Variants in OTUD7B observed in about 807,000 individuals in gnomAD.
The protein encoded by OTUD7B is OTU deubiquitinase 7B, also known as OTU domain-containing protein 7B.
In OTUD7B, 34 loss-of-function variants were observed where a neutral mutation model predicts 82.2. The observed-to-expected ratio is 0.41, with a 90% CI of 0.31 to 0.55. The LOEUF is 0.55. OTUD7B is among the 20% of genes least tolerant of loss of function. The pLI is 0.20. For missense variants in OTUD7B, 944 were observed against 1,062.1 expected (o/e 0.89, Z 1.55); for synonymous variants, 398 against 402.7 (o/e 0.99, Z 0.14).
chr1:149,968,021 T>C (rs1227749697), intron 3 of OTUD7B, among the ~76,000 whole-genome samples: 1 of 152,108 alleles, frequency 6.6e-6, no homozygotes, highest in Non-Finnish European at 1.5e-5. Context: ...GAAAATCCTT[T>C]GGGAGGCCAA....
At chr1:149,970,988 T>C (rs1553777478) in intron 3 of OTUD7B, 75 bp downstream of exon 3, 2 of 1,325,336 alleles carry the variant, frequency 1.5e-6, no homozygotes. Flanking sequence ...AATGGATCAC[T>C]AGACTTTATG....
Position 149,963,559 on chromosome 1 carries a change from GTTTTTTTTT to G in OTUD7B, c.732+654_732+662del, listed in dbSNP as rs587685726. ...GGTTTTTTTGTTTTTGTTTTTTTTT[GTTTTTTTTT>G]TTCTTACAAAATAGCCATAGTTTGC... On this transcript the variant is annotated intron_variant, in intron 6 of 11. Transcript: ENST00000581312. 4.8e-5 allele frequency: 7 copies of G among 146,402 alleles called. No individual in the cohort carries two copies. In the East Asian group the frequency reaches 1.4e-3, roughly 29 times the overall value. The allele number at this position is 146,402 out of a possible 1,614,324, so 9.1% of individuals were successfully genotyped here. A position where few individuals can be genotyped will look rare whatever the true frequency, so the allele number is the denominator to read the frequency against.
Position 149,943,930 on chromosome 1 carries a change from G to C in OTUD7B, c.2459C>G (p.Ser820Cys). The change falls in exon 12 of 12, where the codon TCC becomes TGC. Residue 820 changes from serine (S) to cysteine (C), a missense_variant. Ser to Cys is a moderately radical substitution (Grantham distance 112). This residue lies in a region of OTUD7B where 412 missense variants were observed against 418.7 expected (regional missense o/e 0.98). Coordinates refer to ENST00000581312, the MANE Select transcript of OTUD7B (RefSeq NM_020205.4). ...YGHPETNNFCSCCYREELRRR... is the reference protein window; with the variant it reads ...YGHPETNNFCCCCYREELRRR... ...CCTCAGTTCTTCCCTGTAACAACAGGAACAGAAGTTGTTTGTCTCAGGGTG... is the reference window on the plus strand; with the variant it reads ...CCTCAGTTCTTCCCTGTAACAACAGCAACAGAAGTTGTTTGTCTCAGGGTG... The C allele has an allele frequency of 1.2e-6, 2 of 1,614,212 alleles. No individual in the cohort carries two copies. The highest frequency in any genetic ancestry group is 1.7e-6 in the Non-Finnish European group (2 of 1,180,024).
rs374910922 is a variant in OTUD7B at position 149,949,975 on chromosome 1, A to G, written c.973+119T>C. The G allele has an allele frequency of 2.7e-5, 39 of 1,422,516 alleles. No individual in the cohort carries two copies. The Middle Eastern group carries it at 9.9e-4, about 36-fold the overall frequency. 88.1% of individuals were successfully genotyped at this position (1,422,516 alleles called of 1,614,324 possible). A position where few individuals can be genotyped will look rare whatever the true frequency, so the allele number is the denominator to read the frequency against. On this transcript the variant is annotated intron_variant, in intron 8 of 11. Transcript: ENST00000581312. ...AGAATTTTGCACTATTCTAATTGAT[A>G]ACTTGCTTTTTCCCCAAGGGTCTAT...
rs1372866874 is a variant in OTUD7B, at chr1:149,967,381, C to G, written c.415G>C (p.Asp139His). Residue 139 changes from aspartate (D) to histidine (H), a missense_variant, in exon 4 of 12, where the codon GAT (aspartate) becomes CAT (histidine). This residue lies in a region of OTUD7B where 530 missense variants were observed against 625.6 expected (regional missense o/e 0.85). Transcript: ENST00000581312. ...EMPICAFQLP[D>H]LTVYNEDFRS... ...AAGTCTTCATTGTATACAGTGAGATCTGGAAGCTGGAAGGCACAGATGGGC... is the reference window on the plus strand; with the variant it reads ...AAGTCTTCATTGTATACAGTGAGATGTGGAAGCTGGAAGGCACAGATGGGC... 1.2e-6 allele frequency: 2 copies of G among 1,614,176 alleles called. No individual in the cohort carries two copies. The highest frequency in any genetic ancestry group is 4.5e-5 in the East Asian group (2 of 44,888).
intron 1 of OTUD7B, among the ~76,000 whole-genome samples, chr1:149,993,695 C>T (rs1180616425): frequency 6.6e-6 from 1 of 152,176 alleles, no homozygotes; most frequent in Non-Finnish European, 1.5e-5. Context: ...GTCAAAGGCA[C>T]TGTTTCCTTA....
At chr1:149,993,586 C>A (rs1651741212) in intron 1 of OTUD7B, among the ~76,000 whole-genome samples, 2 of 152,128 alleles carry the variant, frequency 1.3e-5, no homozygotes, top group South Asian at 4.1e-4. Flanking sequence ...CAATTTACTC[C>A]TTTGGATTAT....
At chr1:150,004,506 G>A (rs1652526017) in intron 1 of OTUD7B, among the ~76,000 whole-genome samples, 1 of 151,926 alleles carries the variant, frequency 6.6e-6, no homozygotes, top group Non-Finnish European at 1.5e-5. Context: ...GTTGCAGTCA[G>A]CCAAGATTGT....
At chr1:149,949,819 T>C in intron 8 of OTUD7B, 41 bp from the exon 9 acceptor site, 1 of 1,589,328 alleles carries the variant, frequency 6.3e-7, no homozygotes, top group Non-Finnish European at 8.6e-7. Flanking sequence ...GCTGTGTTTC[T>C]GCCTAGTGGA....
chr1:150,028,160 T>C, the OTUD7B span, among the ~76,000 whole-genome samples: 1 of 152,248 alleles, frequency 6.6e-6, no homozygotes, highest in Non-Finnish European at 1.5e-5. Flanking sequence ...GACAAGGCTC[T>C]AGGATGCAGT....
At chr1:149,960,550 A>C (rs1302149600) in intron 6 of OTUD7B, among the ~76,000 whole-genome samples, 1 of 151,018 alleles carries the variant, frequency 6.6e-6, no homozygotes, top group Non-Finnish European at 1.5e-5. Flanking sequence ...GGCCCAGCTA[A>C]TTTTTGTATT....
the OTUD7B span, among the ~76,000 whole-genome samples, chr1:150,030,048 C>T: frequency 4.6e-5 from 7 of 152,208 alleles, no homozygotes. Flanking sequence ...GATTTCTCTG[C>T]TACTGCATTC....
chr1:150,024,148 A>G, the OTUD7B span, among the ~76,000 whole-genome samples: 1 of 152,220 alleles, frequency 6.6e-6, no homozygotes, highest in African/African-American at 2.4e-5. Context: ...GGTGGAATAA[A>G]TATTCCATTC....
the OTUD7B span, among the ~76,000 whole-genome samples, chr1:150,039,104 T>C: frequency 6.6e-6 from 1 of 152,236 alleles, no homozygotes; most frequent in South Asian, 2.1e-4. Context: ...TCTTAATTAC[T>C]CTTGTCTTTC....
rs150585398 is a variant in OTUD7B at position 149,958,367 on chromosome 1, G to A, written c.845+1317C>T. On this transcript the variant is annotated intron_variant, in intron 7 of 11. Coordinates refer to ENST00000581312, the MANE Select transcript of OTUD7B (RefSeq NM_020205.4). ...TTTTGAAATGGAGTCTCACTCTGTC[G>A]CCAGGGCTGGAGTGCAGTGGCACGA... Among the ~76,000 whole-genome samples, 731 of 112,050 alleles carry A rather than the reference G, an allele frequency of 6.5e-3. 5 individuals are homozygous for A. Among genetic ancestry groups the A allele is most frequent in the African/African-American group, 0.024 (681 of 28,488 alleles). The allele number at this position is 112,050 out of a possible 152,430, so 73.5% of individuals were successfully genotyped here.
At chr1:149,962,308 A>C (rs1649212886) in intron 6 of OTUD7B, 1 of 152,236 alleles carries the variant, frequency 6.6e-6, no homozygotes, top group East Asian at 1.9e-4. Flanking sequence ...AAGGAAGCCC[A>C]GGAAATCAAA....
Position 149,949,632 on chromosome 1 carries a change from G to C in OTUD7B, c.1120C>G (p.Gln374Glu). 6.2e-7 allele frequency: 1 copy of C among 1,613,578 alleles called. No individual in the cohort carries two copies. The highest frequency in any genetic ancestry group is 1.1e-5 in the South Asian group (1 of 91,042). The change falls in exon 9 of 12, where the codon CAA becomes GAA. Residue 374 changes from glutamine (Q) to glutamate (E), a missense_variant. Coordinates refer to ENST00000581312, the MANE Select transcript of OTUD7B (RefSeq NM_020205.4). ...SMEQKENTKE[Q>E]AVIPLTDSEY... ...CAAAAGACATGTCATTCAGCACCTT[G>C]TTCCTTGGTATTCTCCTTCTGCTCC...
At chr1:150,045,094 A>AATTT in the OTUD7B span, among the ~76,000 whole-genome samples, 20 of 146,532 alleles carry the variant, frequency 1.4e-4, 1 homozygote, top group Non-Finnish European at 1.8e-4. Context: ...CTTAAACTAA[A>AATTT]TTTTTTTTTT....
the OTUD7B span, among the ~76,000 whole-genome samples, chr1:150,043,942 G>A: frequency 3.9e-5 from 6 of 151,900 alleles, no homozygotes; most frequent in Non-Finnish European, 8.8e-5. Flanking sequence ...AACATAGAGA[G>A]ACTCCTCCCC....
Sources: gnomAD v4.1 joint callset for allele counts (sites outside exome capture counted in the v4.1 genomes callset) on GRCh38, gnomAD v4.1.1 for gene constraint, gnomAD v4.1.1 regional missense constraint, MANE v1.5 for transcripts, NCBI Gene and HGNC (gene_info 2026-07-23, HGNC 2026-07-21) for gene names.